The following VSTM2L variants were observed in gnomAD, a reference collection of about 807,000 sequenced individuals.
VSTM2L encodes V-set and transmembrane domain containing 2 like.
Under a neutral mutation model 19.9 loss-of-function variants are expected in VSTM2L, and 9 were observed. The observed-to-expected ratio is 0.45, with a 90% CI of 0.27 to 0.79. VSTM2L has a LOEUF of 0.79. Ranked by LOEUF, VSTM2L falls within the 30% of genes least tolerant of loss-of-function variation. The pLI, the probability that VSTM2L is intolerant of heterozygous loss-of-function variation, is 0.15. For missense variants in VSTM2L, 286 were observed against 295.5 expected, an observed-to-expected ratio of 0.97 and a Z score of 0.24; for synonymous variants, 127 against 133.8, an observed-to-expected ratio of 0.95 and a Z score of 0.35.
At chr20:37,915,368 T>G (rs541353963) in intron 1 of VSTM2L, among the ~76,000 whole-genome samples, 130 of 152,002 alleles carry the variant, frequency 8.6e-4, no homozygotes, top group Non-Finnish European at 4.0e-4. Flanking sequence ...GGTCCTGGGG[T>G]GGGGCCCAAC....
chr20:37,909,031 C>A lies in VSTM2L; in HGVS notation c.121+5560C>A, dbSNP rs1025509227. Among the ~76,000 whole-genome samples the A allele has an allele frequency of 3.9e-5, 6 of 152,158 alleles. 1 individual carries two copies. In the South Asian group the frequency reaches 1.0e-3, roughly 26 times the overall value. ...CACCTACCAAGTGTCAGAGGCTGGACTTGAACTGAAGAATCTGGCTTCAGG... is the reference window on the plus strand; with the variant it reads ...CACCTACCAAGTGTCAGAGGCTGGAATTGAACTGAAGAATCTGGCTTCAGG... On this transcript the variant is annotated intron_variant, in intron 1 of 3. Transcript: ENST00000373461.
intron 1 of VSTM2L, 110 bp from the exon 2 acceptor site, chr20:37,931,525 A>AACCCCCC: frequency 1.2e-6 from 1 of 830,276 alleles, no homozygotes; most frequent in Admixed American, 2.4e-5. Context: ...CACCCCCTCC[A>AACCCCCC]CCCATCCCCC....
chr20:37,943,157 A>G (rs976473781), intron 3 of VSTM2L, among the ~76,000 whole-genome samples: 1 of 152,040 alleles, frequency 6.6e-6, no homozygotes, highest in African/African-American at 2.4e-5. Flanking sequence ...TTTAGTAGAG[A>G]TGGGGTTTCC....
intron 1 of VSTM2L, among the ~76,000 whole-genome samples, chr20:37,911,372 C>T (rs948853710): frequency 2.6e-5 from 4 of 152,138 alleles, no homozygotes. Flanking sequence ...GAGCCCTACC[C>T]GTTATTAGCT....
chr20:37,930,854 G>A (rs1332044667), intron 1 of VSTM2L, among the ~76,000 whole-genome samples: 1 of 152,180 alleles, frequency 6.6e-6, no homozygotes, highest in Non-Finnish European at 1.5e-5. Context: ...GCCCGCAACT[G>A]CCAGCGGCAG....
chr20:37,944,699 T>C lies in VSTM2L; in HGVS notation c.*446T>C, dbSNP rs1600578826. Reference sequence around the variant, plus strand: ...GTGGACAGTGACCCCTCCCTGAATATGGACTTGAATCTTCTGAGCAGAACT... The same window carrying C: ...GTGGACAGTGACCCCTCCCTGAATACGGACTTGAATCTTCTGAGCAGAACT... On this transcript the variant is annotated 3_prime_UTR_variant, in exon 4 of 4. Coordinates refer to ENST00000373461, the MANE Select transcript of VSTM2L (RefSeq NM_080607.3). 1 of 991,520 alleles carries C rather than the reference T, an allele frequency of 1.0e-6. No individual in the cohort carries two copies. The highest frequency in any genetic ancestry group is 1.2e-6 in the Non-Finnish European group (1 of 834,462). 61.4% of individuals were successfully genotyped at this position (991,520 alleles called of 1,614,324 possible).
At chr20:37,936,232 G>A (rs562049453) in intron 3 of VSTM2L, among the ~76,000 whole-genome samples, 7 of 144,938 alleles carry the variant, frequency 4.8e-5, no homozygotes, top group African/African-American at 2.0e-4. Context: ...ATGCGTACCG[G>A]TGACATGACG....
At chr20:37,903,593 C>T in intron 1 of VSTM2L, 122 bp downstream of exon 1, 2 of 1,294,770 alleles carry the variant, frequency 1.5e-6, no homozygotes, top group South Asian at 4.2e-5. Flanking sequence ...CCGGGGCGCC[C>T]CCTGCCGGCG....
chr20:37,905,277 G>A lies in VSTM2L; in HGVS notation c.121+1806G>A, dbSNP rs187312216. 2.6e-5 allele frequency among the ~76,000 whole-genome samples: 4 copies of A among 152,244 alleles called. No individual in the cohort carries two copies. The East Asian group carries it at 7.7e-4, about 29-fold the overall frequency. ...CCTTCCCTGAGTTTGCAGTCCCGAGGGGTATGAGGAATGGGACTCTGAGGC... is the reference window on the plus strand; with the variant it reads ...CCTTCCCTGAGTTTGCAGTCCCGAGAGGTATGAGGAATGGGACTCTGAGGC... On this transcript the variant is annotated intron_variant, in intron 1 of 3. Transcript: ENST00000373461.
At chr20:37,927,857 C>G (rs776222403) in intron 1 of VSTM2L, among the ~76,000 whole-genome samples, 12 of 152,292 alleles carry the variant, frequency 7.9e-5, no homozygotes, top group Non-Finnish European at 1.5e-4. Flanking sequence ...CCCGTGCCCC[C>G]GCCCACCACA....
At chr20:37,911,587 G>A (rs1568834252) in intron 1 of VSTM2L, among the ~76,000 whole-genome samples, 1 of 152,234 alleles carries the variant, frequency 6.6e-6, no homozygotes, top group Non-Finnish European at 1.5e-5. Flanking sequence ...CAGGGATGGG[G>A]CCTTCTCTGT....
chr20:37,923,760 G>A (rs575054777), intron 1 of VSTM2L, among the ~76,000 whole-genome samples: 69 of 152,190 alleles, frequency 4.5e-4, no homozygotes, highest in African/African-American at 1.6e-3. Flanking sequence ...TGGGTAGGGG[G>A]CCGGGTTACA....
chr20:37,931,774 G>T lies in VSTM2L; in HGVS notation c.261G>T (p.Trp87Cys). The change falls in exon 2 of 4, where the codon TGG (tryptophan) becomes TGT (cysteine). Residue 87 changes from tryptophan (W) to cysteine (C), a missense_variant. By Grantham distance (215) the Trp-to-Cys change is radical. Coordinates refer to ENST00000373461, the MANE Select transcript of VSTM2L (RefSeq NM_080607.3). ...GGTATGTACGGAGCCACCGGGACTG[G>T]ACCGACAAGCAGGCGTGGGCCTCGA... is the stretch of plus-strand genomic sequence containing the variant. ...QWWYVRSHRDWTDKQAWASNQ... is the reference protein window; with the variant it reads ...QWWYVRSHRDCTDKQAWASNQ... 6.2e-7 allele frequency: 1 copy of T among 1,613,936 alleles called. No individual in the cohort carries two copies. Among genetic ancestry groups the T allele is most frequent in the South Asian group, 1.1e-5 (1 of 91,076 alleles).
At chr20:37,930,663 GA>G (rs1331028400) in intron 1 of VSTM2L, among the ~76,000 whole-genome samples, 1 of 152,156 alleles carries the variant, frequency 6.6e-6, no homozygotes, top group Non-Finnish European at 1.5e-5. Context: ...TACCTGGTGG[GA>G]TGGAGGATGA....
intron 2 of VSTM2L, among the ~76,000 whole-genome samples, chr20:37,932,878 C>T (rs575722440): frequency 1.3e-5 from 2 of 152,358 alleles, no homozygotes; most frequent in South Asian, 2.1e-4. Flanking sequence ...TTCACAAACA[C>T]GCATTGGCAC....
At chr20:37,933,044 C>A (rs1260233945) in intron 2 of VSTM2L, among the ~76,000 whole-genome samples, 1 of 152,232 alleles carries the variant, frequency 6.6e-6, no homozygotes, top group African/African-American at 2.4e-5. Flanking sequence ...AGCCCTTAGG[C>A]AAATCGTTGC....
At chr20:37,924,780 C>A (rs1186540461) in intron 1 of VSTM2L, among the ~76,000 whole-genome samples, 1 of 152,022 alleles carries the variant, frequency 6.6e-6, no homozygotes, top group Non-Finnish European at 1.5e-5. Flanking sequence ...GGGAGGAAGA[C>A]CCTGTTGCTG....
At chr20:37,913,364 C>T (rs2072791827) in intron 1 of VSTM2L, among the ~76,000 whole-genome samples, 1 of 152,138 alleles carries the variant, frequency 6.6e-6, no homozygotes, top group Non-Finnish European at 1.5e-5. Flanking sequence ...AAACTGAGGC[C>T]CAGAGAGCAG....
intron 1 of VSTM2L, among the ~76,000 whole-genome samples, chr20:37,904,900 C>A (rs1032324315): frequency 1.3e-5 from 2 of 152,124 alleles, no homozygotes; most frequent in Admixed American, 6.5e-5. Flanking sequence ...CTGCTGTGTG[C>A]ATCATTTACA....
Sources: allele counts gnomAD v4.1 joint callset (sites outside exome capture counted in the v4.1 genomes callset), GRCh38; gene constraint gnomAD v4.1.1; transcripts MANE v1.5; gene names NCBI Gene and HGNC (gene_info 2026-07-23, HGNC 2026-07-21).